SUSD1: variants seen among roughly 807,000 people sequenced by gnomAD.
The protein encoded by SUSD1 is sushi domain-containing protein 1.
A neutral mutation model predicts 86.9 loss-of-function variants in SUSD1; 65 were observed. That is an observed-to-expected ratio of 0.75 (90% CI 0.61 to 0.92). SUSD1 has a LOEUF of 0.92. SUSD1 is among the 40% of genes least tolerant of loss of function. The pLI is 0.00. For synonymous variants in SUSD1, 346 were observed against 350.0 expected, an observed-to-expected ratio of 0.99 and a Z score of 0.13; for missense variants, 850 against 929.7, an observed-to-expected ratio of 0.91 and a Z score of 1.11.
intron 10 of SUSD1, among the ~76,000 whole-genome samples, chr9:112,094,980 T>C (rs2564899): frequency 0.6 from 91,076 of 152,062 alleles, 27,582 homozygotes; most frequent in East Asian, 0.78. Flanking sequence ...GACATCTGCC[T>C]GGGAAATAGA....
At chr9:112,097,957 T>C (rs1589651091) in intron 10 of SUSD1, among the ~76,000 whole-genome samples, 3 of 152,312 alleles carry the variant, frequency 2.0e-5, no homozygotes, top group Admixed American at 2.0e-4. Context: ...AGCTGGCACC[T>C]ATGTGGCTTC....
At chr9:112,097,395 C>CTTTTTT (rs764568520) in intron 10 of SUSD1, among the ~76,000 whole-genome samples, 4 of 103,282 alleles carry the variant, frequency 3.9e-5, no homozygotes, top group African/African-American at 3.9e-5. Context: ...ATTTCAGAGT[C>CTTTTTT]TTTTTTTTTT....
intron 8 of SUSD1, among the ~76,000 whole-genome samples, chr9:112,110,354 A>C (rs1372458926): frequency 6.6e-6 from 1 of 152,068 alleles, no homozygotes; most frequent in Non-Finnish European, 1.5e-5. Flanking sequence ...ATCTCAAAAA[A>C]TAAATAAATG....
At chr9:112,150,430 TC>T (rs1399103424) in intron 2 of SUSD1, among the ~76,000 whole-genome samples, 3 of 152,242 alleles carry the variant, frequency 2.0e-5, no homozygotes, top group Non-Finnish European at 2.9e-5. Flanking sequence ...GCCCCTCATA[TC>T]CGTTTAATGG....
At chr9:112,060,429 T>A (rs1293261459) in intron 13 of SUSD1, among the ~76,000 whole-genome samples, 3 of 152,038 alleles carry the variant, frequency 2.0e-5, no homozygotes, top group Admixed American at 1.3e-4. Context: ...GCCCGGTTAA[T>A]TTTTTTTGTA....
intron 14 of SUSD1, among the ~76,000 whole-genome samples, chr9:112,054,808 C>A (rs1428592563): frequency 6.6e-6 from 1 of 151,872 alleles, no homozygotes; most frequent in Non-Finnish European, 1.5e-5. Context: ...AAGACACAGG[C>A]AACAAAAGAA....
chr9:112,173,178 G>A (rs1477977791), intron 1 of SUSD1, among the ~76,000 whole-genome samples: 1 of 152,070 alleles, frequency 6.6e-6, no homozygotes, highest in Non-Finnish European at 1.5e-5. Context: ...AGCCAAGGAA[G>A]GAATCTTAAC....
intron 5 of SUSD1, among the ~76,000 whole-genome samples, chr9:112,130,869 A>G (rs1832004275): frequency 6.7e-6 from 1 of 149,746 alleles, no homozygotes; most frequent in Non-Finnish European, 1.5e-5. Context: ...AAAAAATACA[A>G]TAACTAGCCA....
At chr9:112,112,912 G>A in intron 6 of SUSD1, 44 bp from the exon 7 acceptor site, 1 of 1,240,666 alleles carries the variant, frequency 8.1e-7, no homozygotes, top group Non-Finnish European at 1.2e-6. Context: ...GCATCAATGG[G>A]CTTTAGCAAA....
intron 1 of SUSD1, among the ~76,000 whole-genome samples, chr9:112,170,944 C>T (rs990323767): frequency 6.6e-6 from 1 of 152,044 alleles, no homozygotes; most frequent in Non-Finnish European, 1.5e-5. Context: ...AACTCCTGAC[C>T]CCAAGTGATC....
chr9:112,089,744 G>A lies in SUSD1; in HGVS notation c.1474+8726C>T, dbSNP rs149710993. Among the ~76,000 whole-genome samples the A allele has an allele frequency of 3.5e-3, 531 of 151,342 alleles. 1 individual carries two copies. The highest frequency in any genetic ancestry group is 0.012 in the African/African-American group (495 of 41,240). ...GGAGAATCGCTCGAACCCGGGAGGC[G>A]GAAGTTGCAGCGAGCTGAGATCGCG... is the stretch of plus-strand genomic sequence containing the variant. On this transcript the variant is annotated intron_variant, in intron 10 of 16. Transcript: ENST00000374270.
rs114916857 is a variant in SUSD1 at position 112,063,170 on chromosome 9, T to G, written c.1754-137A>C. On this transcript the variant is annotated intron_variant, in intron 12 of 16. Coordinates refer to ENST00000374270, the MANE Select transcript of SUSD1 (RefSeq NM_022486.5). Reference sequence around the variant, plus strand: ...GGAGCCTATTCTGTACATGCCACAATGTGGAAGAACATGCTAAGTGAAATA... The same window carrying G: ...GGAGCCTATTCTGTACATGCCACAAGGTGGAAGAACATGCTAAGTGAAATA... The G allele has an allele frequency of 2.3e-3, 1,166 of 500,598 alleles. 11 individuals carry two copies. Among genetic ancestry groups the G allele is most frequent in the African/African-American group, 0.019 (983 of 51,092 alleles). The allele number at this position is 500,598 out of a possible 1,614,324, so 31.0% of individuals were successfully genotyped here.
Position 112,102,247 on chromosome 9 carries a change from A to G in SUSD1, c.1210T>C (p.Ser404Pro). The change falls in exon 9 of 17, where the codon TCA becomes CCA. Residue 404 changes from serine (S) to proline (P), a missense_variant. Physicochemically the swap from Ser to Pro is moderately conservative, Grantham distance 74. Transcript: ENST00000374270. ...TTCAAACAAGTTTCATTAAATATTG[A>G]AATATTGAAACTTCCATCATCTTCT... ...LLEDDGSFNI[S>P]IFNETCLKLN... The G allele has an allele frequency of 6.2e-7, 1 of 1,601,768 alleles. No individual in the cohort carries two copies. Among genetic ancestry groups the G allele is most frequent in the East Asian group, 2.3e-5 (1 of 44,246 alleles).
At chr9:112,100,421 C>T (rs944572618) in intron 9 of SUSD1, among the ~76,000 whole-genome samples, 2 of 152,084 alleles carry the variant, frequency 1.3e-5, no homozygotes, top group Admixed American at 6.5e-5. Flanking sequence ...CTCCTGACCT[C>T]GTGATCCACC....
chr9:112,142,988 T>TTTTTTTTTTTTTTTTTTTTTTTC (rs1832647822), intron 4 of SUSD1, among the ~76,000 whole-genome samples: 1 of 116,312 alleles, frequency 8.6e-6, no homozygotes. Flanking sequence ...TTTTTTTTTT[T>TTTTTTTTTTTTTTTTTTTTTTTC]TTTTTTTTTT....
At chr9:112,080,206 A>T (rs749420214) in intron 10 of SUSD1, 41 bp from the exon 11 acceptor site, 8 of 1,436,698 alleles carry the variant, frequency 5.6e-6, no homozygotes, top group South Asian at 1.1e-5. Context: ...TACACTCTAT[A>T]GAAAAAATGC....
At chr9:112,161,297 T>C (rs1833556645) in intron 1 of SUSD1, among the ~76,000 whole-genome samples, 1 of 151,894 alleles carries the variant, frequency 6.6e-6, no homozygotes, top group Admixed American at 6.6e-5. Context: ...GGGGAATCAC[T>C]TGAACCCTGG....
chr9:112,171,577 C>T (rs984201519), intron 1 of SUSD1, among the ~76,000 whole-genome samples: 1 of 152,136 alleles, frequency 6.6e-6, no homozygotes, highest in African/African-American at 2.4e-5. Context: ...GGAGTGAGGA[C>T]ACCCAGGCTT....
At chr9:112,049,592 GC>G (rs1315462435) in intron 15 of SUSD1, among the ~76,000 whole-genome samples, 1 of 152,164 alleles carries the variant, frequency 6.6e-6, no homozygotes, top group Non-Finnish European at 1.5e-5. Context: ...CTGGGCAAAG[GC>G]CAGAATGGGG....
Sources: allele counts gnomAD v4.1 joint callset (sites outside exome capture counted in the v4.1 genomes callset), GRCh38; gene constraint gnomAD v4.1.1; transcripts MANE v1.5; gene names NCBI Gene and HGNC (gene_info 2026-07-23, HGNC 2026-07-21).